Variants in MALRD1 observed in about 807,000 individuals in gnomAD.
The protein encoded by MALRD1 is MAM and LDL receptor class A domain containing 1, also known as MAM and LDL-receptor class A domain-containing protein 1.
In MALRD1, 247 loss-of-function variants were observed where a neutral mutation model predicts 242.1. The observed-to-expected ratio is 1.02, with a 90% CI of 0.92 to 1.13. The LOEUF (loss-of-function observed/expected upper bound fraction) is 1.13, where lower values mean the gene tolerates loss of function less well. Ranked by LOEUF, MALRD1 falls within the 50% of genes most tolerant of loss-of-function variation. The pLI is 0.00. For missense variants in MALRD1, 2,989 were observed against 2,533.1 expected, an observed-to-expected ratio of 1.18 and a Z score of -3.86; for synonymous variants, 995 against 866.6, an observed-to-expected ratio of 1.15 and a Z score of -2.60.
At chr10:19,364,011 C>T (rs1845008804) in intron 26 of MALRD1, among the ~76,000 whole-genome samples, 1 of 151,828 alleles carries the variant, frequency 6.6e-6, no homozygotes, top group Admixed American at 6.6e-5. Context: ...TGTTTACAAA[C>T]ACAGAATCCT....
At chr10:19,196,765 C>G (rs1168168783) in intron 14 of MALRD1, among the ~76,000 whole-genome samples, 1 of 152,070 alleles carries the variant, frequency 6.6e-6, no homozygotes, top group Non-Finnish European at 1.5e-5. Flanking sequence ...ACAGTCTTCC[C>G]CACTTCATAA....
chr10:19,257,652 T>C (rs1804190430), intron 18 of MALRD1, 32 bp from the exon 19 acceptor site: 5 of 1,428,724 alleles, frequency 3.5e-6, no homozygotes, highest in Non-Finnish European at 9.6e-7. Context: ...TAAACACATT[T>C]CTTATTTTTA....
intron 29 of MALRD1, among the ~76,000 whole-genome samples, chr10:19,461,606 G>C (rs538644157): frequency 2.6e-5 from 4 of 152,176 alleles, no homozygotes; most frequent in Admixed American, 6.5e-5. Flanking sequence ...CTACACTGTG[G>C]GGGGAGGCTG....
Position 19,438,366 on chromosome 10 carries a change from C to A in MALRD1, c.4846-11941C>A, listed in dbSNP as rs186701238. On this transcript the variant is annotated intron_variant, in intron 28 of 39. Transcript: ENST00000454679. ...ATAATATTCCATTTTATGTATATAC[C>A]ACATTACATAATGGATTATATGTAC... 2.4e-3 allele frequency among the ~76,000 whole-genome samples: 369 copies of A among 152,148 alleles called. 12 individuals carry two copies. Among genetic ancestry groups the A allele is most frequent in the Admixed American group, 0.023 (347 of 15,278 alleles).
At chr10:19,497,224 T>G (rs1376842999) in intron 30 of MALRD1, among the ~76,000 whole-genome samples, 1 of 151,960 alleles carries the variant, frequency 6.6e-6, no homozygotes, top group Non-Finnish European at 1.5e-5. Flanking sequence ...GATTCTGAAT[T>G]TTTACAGATG....
At chr10:19,194,055 T>C (rs550408304) in intron 14 of MALRD1, among the ~76,000 whole-genome samples, 1 of 150,608 alleles carries the variant, frequency 6.6e-6, no homozygotes, top group South Asian at 2.1e-4. Context: ...AAAATTATAT[T>C]ATTTGTCTAA....
At chr10:19,719,202 A>G (rs1485358526) in intron 38 of MALRD1, among the ~76,000 whole-genome samples, 2 of 96,662 alleles carry the variant, frequency 2.1e-5, no homozygotes, top group Admixed American at 2.7e-4. Context: ...ATACATATAT[A>G]TATATATATA....
chr10:19,503,117 C>T (rs1838050669), intron 31 of MALRD1, among the ~76,000 whole-genome samples: 1 of 152,130 alleles, frequency 6.6e-6, no homozygotes, highest in South Asian at 2.1e-4. Flanking sequence ...CTACTTGAGA[C>T]AGTATATTTT....
intron 10 of MALRD1, among the ~76,000 whole-genome samples, chr10:19,142,436 C>A (rs911275834): frequency 2.6e-5 from 4 of 152,060 alleles, no homozygotes; most frequent in Admixed American, 6.6e-5. Context: ...AAATATTTTA[C>A]TTTTCATGAT....
intron 38 of MALRD1, chr10:19,716,804 T>C (rs1342756571): frequency 6.6e-6 from 1 of 152,210 alleles, no homozygotes; most frequent in Non-Finnish European, 1.5e-5. Context: ...CTTACCTATG[T>C]GTGATTTTGT....
At chr10:19,484,847 A>G (rs61843302) in intron 29 of MALRD1, among the ~76,000 whole-genome samples, 17,248 of 152,184 alleles carry the variant, frequency 0.11, 1,054 homozygotes, top group African/African-American at 0.15. Flanking sequence ...AAAAGTAGGC[A>G]TTATTTACAA....
At chr10:19,202,915 G>A (rs913451534) in intron 14 of MALRD1, among the ~76,000 whole-genome samples, 1 of 151,972 alleles carries the variant, frequency 6.6e-6, no homozygotes, top group Non-Finnish European at 1.5e-5. Flanking sequence ...ATTTGACCTT[G>A]GTTACATTAA....
rs750185903 is a variant in MALRD1 at position 19,454,728 on chromosome 10, A to ACG, written c.5029+4239_5029+4240insGC. ...CGTGCACACGTACACACACACACAC[A>ACG]CACACACACACACACACACACATTA... On this transcript the variant is annotated intron_variant, in intron 29 of 39. Transcript: ENST00000454679. Among the ~76,000 whole-genome samples the ACG allele has an allele frequency of 3.1e-3, 459 of 149,600 alleles. 3 individuals carry two copies. Among genetic ancestry groups the ACG allele is most frequent in the African/African-American group, 8.2e-3 (336 of 41,086 alleles).
intron 13 of MALRD1, among the ~76,000 whole-genome samples, chr10:19,171,860 A>T (rs1834986108): frequency 1.4e-5 from 2 of 145,010 alleles, no homozygotes; most frequent in South Asian, 4.2e-4. Flanking sequence ...ATACATATAT[A>T]TACATATATA....
chr10:19,097,255 T>G (rs1472876945), intron 4 of MALRD1, among the ~76,000 whole-genome samples: 1 of 152,194 alleles, frequency 6.6e-6, no homozygotes, highest in Non-Finnish European at 1.5e-5. Flanking sequence ...TAGGGTAGTT[T>G]GATTTCAGAT....
chr10:19,384,158 C>G (rs1012833814), intron 26 of MALRD1, among the ~76,000 whole-genome samples: 2 of 149,986 alleles, frequency 1.3e-5, no homozygotes, highest in African/African-American at 2.5e-5. Context: ...ATATATTGTC[C>G]ACTTGTATGT....
intron 26 of MALRD1, among the ~76,000 whole-genome samples, chr10:19,356,684 G>C (rs1256044382): frequency 6.6e-6 from 1 of 152,078 alleles, no homozygotes; most frequent in Non-Finnish European, 1.5e-5. Flanking sequence ...TACCCCAGTG[G>C]ACAGCAAAGG....
intron 38 of MALRD1, among the ~76,000 whole-genome samples, chr10:19,706,673 G>A (rs915605328): frequency 1.9e-4 from 29 of 152,036 alleles, no homozygotes; most frequent in African/African-American, 5.8e-4. Flanking sequence ...AGGAAAAAAA[G>A]GGCCGAGTGT....
chr10:19,428,123 C>G (rs1833970567), intron 28 of MALRD1, among the ~76,000 whole-genome samples: 1 of 151,788 alleles, frequency 6.6e-6, no homozygotes, highest in African/African-American at 2.4e-5. Flanking sequence ...CCTCTGCTGC[C>G]TTAGTTTCTC....
Sources: gnomAD v4.1 joint callset for allele counts (sites outside exome capture counted in the v4.1 genomes callset) on GRCh38, gnomAD v4.1.1 for gene constraint, MANE v1.5 for transcripts, NCBI Gene and HGNC (gene_info 2026-07-23, HGNC 2026-07-21) for gene names.